The following BCAP29 variants were observed in gnomAD, a reference collection of about 807,000 sequenced individuals.
The protein encoded by BCAP29 is B-cell receptor-associated protein 29.
Under a neutral mutation model 31.8 loss-of-function variants are expected in BCAP29, and 34 were observed. The observed-to-expected ratio is 1.07, with a 90% CI of 0.81 to 1.42. The LOEUF is 1.42. Ranked by LOEUF, BCAP29 falls within the 40% of genes most tolerant of loss-of-function variation. BCAP29 has a pLI of 0.00. For missense variants in BCAP29, 314 were observed against 269.2 expected, an observed-to-expected ratio of 1.17 and a Z score of -1.16; for synonymous variants, 104 against 91.3, an observed-to-expected ratio of 1.14 and a Z score of -0.79.
chr7:107,583,448 G>A (rs886300716), intron 2 of BCAP29, among the ~76,000 whole-genome samples: 2 of 152,042 alleles, frequency 1.3e-5, no homozygotes, highest in African/African-American at 2.4e-5. Context: ...CGTTAAAATT[G>A]TACTATATAA....
At position 107,613,331 on chromosome 7, in the gene BCAP29, G is replaced by T; in HGVS notation, c.590-1G>T. The stretch of plus-strand genomic sequence containing the variant: ...AAATAAAACTATTCGATATTTTCTA[G>T]CCCTTTCTAAGGCACAAAATGATGT... On this transcript the variant is annotated splice_acceptor_variant, in intron 6 of 7. Coordinates refer to ENST00000005259, the MANE Select transcript of BCAP29 (RefSeq NM_018844.4). LOFTEE classifies it high-confidence loss of function. 6.3e-7 allele frequency: 1 copy of T among 1,595,376 alleles called. No individual in the cohort carries two copies. Among genetic ancestry groups the T allele is most frequent in the South Asian group, 1.1e-5 (1 of 89,654 alleles).
At chr7:107,597,496 G>A (rs1810074461) in intron 5 of BCAP29, among the ~76,000 whole-genome samples, 1 of 152,136 alleles carries the variant, frequency 6.6e-6, no homozygotes, top group Non-Finnish European at 1.5e-5. Context: ...ATGTTAATGG[G>A]CCTCAAAGTT....
chr7:107,613,928 A>C (rs989784552), intron 7 of BCAP29, among the ~76,000 whole-genome samples: 1 of 152,236 alleles, frequency 6.6e-6, no homozygotes, highest in Non-Finnish European at 1.5e-5. Context: ...TGTTAAAGCC[A>C]CAAAGTCAGA....
intron 5 of BCAP29, among the ~76,000 whole-genome samples, chr7:107,597,622 T>A (rs1019174517): frequency 2.0e-5 from 3 of 152,222 alleles, no homozygotes; most frequent in African/African-American, 7.2e-5. Flanking sequence ...TGTTATTATC[T>A]GCATTTTATA....
chr7:107,583,288 A>G (rs1807033350), intron 2 of BCAP29, among the ~76,000 whole-genome samples: 1 of 151,750 alleles, frequency 6.6e-6, no homozygotes, highest in Non-Finnish European at 1.5e-5. Flanking sequence ...TATCTGTAGT[A>G]ATTACATGGT....
chr7:107,605,141 T>G (rs896907793), intron 6 of BCAP29, among the ~76,000 whole-genome samples: 5 of 152,248 alleles, frequency 3.3e-5, no homozygotes, highest in African/African-American at 1.2e-4. Context: ...CTTGTGAGCT[T>G]CTTATCTGTT....
chr7:107,613,183 A>T, intron 6 of BCAP29, 149 bp from the exon 7 acceptor site: 2 of 585,084 alleles, frequency 3.4e-6, no homozygotes, highest in Non-Finnish European at 5.9e-6. Context: ...AGTGTGTGTG[A>T]AGAGAGAGAA....
chr7:107,588,521 C>T (rs1431930346), intron 3 of BCAP29, among the ~76,000 whole-genome samples: 1 of 152,006 alleles, frequency 6.6e-6, no homozygotes, highest in Non-Finnish European at 1.5e-5. Flanking sequence ...TATGAACCCT[C>T]GATAAAATAC....
At chr7:107,591,303 A>C (rs1808713430) in intron 3 of BCAP29, among the ~76,000 whole-genome samples, 1 of 152,218 alleles carries the variant, frequency 6.6e-6, no homozygotes. Flanking sequence ...ACAGTCAAAA[A>C]ATCTTTACAA....
chr7:107,621,806 G>A (rs139636749), downstream of BCAP29: 15 of 495,464 alleles, frequency 3.0e-5, no homozygotes, highest in African/African-American at 9.7e-5. Context: ...TACAGATACC[G>A]ATAAAACTGA....
chr7:107,601,964 G>C (rs1811257833), intron 6 of BCAP29, among the ~76,000 whole-genome samples: 1 of 152,120 alleles, frequency 6.6e-6, no homozygotes, highest in Non-Finnish European at 1.5e-5. Context: ...TTCCAGCTCT[G>C]AGATATTTTG....
chr7:107,586,812 C>A (rs1402725252), intron 3 of BCAP29, among the ~76,000 whole-genome samples: 1 of 150,976 alleles, frequency 6.6e-6, no homozygotes, highest in East Asian at 1.9e-4. Flanking sequence ...ACTGCAACCT[C>A]CACTTTCCAG....
intron 5 of BCAP29, among the ~76,000 whole-genome samples, chr7:107,599,091 T>TGTATATAAATATATATTTATAA (rs1563133647): frequency 7.7e-6 from 1 of 130,364 alleles, no homozygotes; most frequent in East Asian, 2.0e-4. Flanking sequence ...AAAATTTATA[T>TGTATATAAATATATATTTATAA]GTATATAAAT....
intron 6 of BCAP29, among the ~76,000 whole-genome samples, chr7:107,606,377 G>C (rs1812095376): frequency 6.6e-6 from 1 of 152,058 alleles, no homozygotes; most frequent in Non-Finnish European, 1.5e-5. Flanking sequence ...TTGGCTTTTT[G>C]ACCCTTCAAA....
intron 5 of BCAP29, among the ~76,000 whole-genome samples, chr7:107,597,864 AC>A (rs1291282299): frequency 6.6e-6 from 1 of 152,224 alleles, no homozygotes; most frequent in African/African-American, 2.4e-5. Flanking sequence ...ATTATGAAAG[AC>A]CAATTAACTT....
At chr7:107,591,993 C>T (rs894615430) in intron 3 of BCAP29, among the ~76,000 whole-genome samples, 4 of 151,672 alleles carry the variant, frequency 2.6e-5, no homozygotes, top group African/African-American at 9.7e-5. Flanking sequence ...TGCCATTTTG[C>T]GCATGCTGGT....
downstream of BCAP29, chr7:107,620,491 A>C (rs575146518): frequency 2.0e-5 from 3 of 152,308 alleles, no homozygotes; most frequent in East Asian, 1.9e-4. Flanking sequence ...TATGTTGCAT[A>C]TTAAATTACT....
rs1806879123 is a variant in BCAP29, at chr7:107,582,481, T to A, written c.93-1401T>A. Among the ~76,000 whole-genome samples the A allele has an allele frequency of 2.6e-5, 4 of 152,342 alleles. No homozygotes were observed. In the South Asian group the frequency reaches 8.3e-4, roughly 32 times the overall value. ...AAATATTTCATCATTTAGTCTCTAT[T>A]ATTTTCTTACATAACCCAGTGGTTA... On this transcript the variant is annotated intron_variant, in intron 2 of 7. Transcript: ENST00000005259.
intron 3 of BCAP29, among the ~76,000 whole-genome samples, chr7:107,591,641 T>TACACACACACACACACACACACACAC (rs924671499): frequency 0.025 from 1,049 of 41,722 alleles, 77 homozygotes; most frequent in African/African-American, 0.047. Flanking sequence ...CATACACACA[T>TACACACACACACACACACACACACAC]ACACACACAC....
Sources: gnomAD v4.1 joint callset for allele counts (sites outside exome capture counted in the v4.1 genomes callset) on GRCh38, gnomAD v4.1.1 for gene constraint, MANE v1.5 for transcripts, NCBI Gene and HGNC (gene_info 2026-07-23, HGNC 2026-07-21) for gene names.